The following FAM227B variants were observed in gnomAD, a reference collection of about 807,000 sequenced individuals.
FAM227B encodes the protein family with sequence similarity 227 member B, also known as protein FAM227B.
A neutral mutation model predicts 73.8 loss-of-function variants in FAM227B; 88 were observed. That is an observed-to-expected ratio of 1.19 (90% CI 1.00 to 1.42). The LOEUF is 1.42. FAM227B is among the 40% of genes most tolerant of loss of function. FAM227B has a pLI of 0.00. For synonymous variants in FAM227B, 210 were observed against 190.5 expected (o/e 1.10, Z -0.84); for missense variants, 632 against 590.9 (o/e 1.07, Z -0.72).
chr15:49,533,626 AC>A (rs1398949016), intron 10 of FAM227B, among the ~76,000 whole-genome samples: 2 of 150,866 alleles, frequency 1.3e-5, no homozygotes, highest in Non-Finnish European at 3.0e-5. Context: ...TATATGAATA[AC>A]CTCTTTGTCT....
At chr15:49,588,951 T>G (rs567803738) in intron 4 of FAM227B, among the ~76,000 whole-genome samples, 1 of 151,940 alleles carries the variant, frequency 6.6e-6, no homozygotes, top group African/African-American at 2.4e-5. Context: ...ATGAATCTAA[T>G]ACCTAAAAAC....
chr15:49,587,883 A>C, intron 5 of FAM227B, 133 bp downstream of exon 5: 137 of 742,388 alleles, frequency 1.8e-4, no homozygotes, highest in South Asian at 3.0e-4. Flanking sequence ...TTTAAAACAT[A>C]GAGATAGATT....
chr15:49,561,384 A>G (rs2074244278), intron 9 of FAM227B, among the ~76,000 whole-genome samples: 1 of 152,158 alleles, frequency 6.6e-6, no homozygotes, highest in Non-Finnish European at 1.5e-5. Flanking sequence ...GTACTTATGG[A>G]CCTATGAAAA....
intron 11 of FAM227B, among the ~76,000 whole-genome samples, chr15:49,463,518 T>G (rs1472527495): frequency 7.1e-6 from 1 of 141,816 alleles, no homozygotes; most frequent in Non-Finnish European, 1.5e-5. Context: ...GCCACTGCAC[T>G]CCAGCCTAGG....
intron 11 of FAM227B, among the ~76,000 whole-genome samples, chr15:49,474,117 G>A (rs1358630409): frequency 6.6e-6 from 1 of 152,054 alleles, no homozygotes; most frequent in Non-Finnish European, 1.5e-5. Flanking sequence ...TTAAGGAGAT[G>A]GTGAGATTGT....
intron 11 of FAM227B, among the ~76,000 whole-genome samples, chr15:49,374,814 G>A (rs1283549690): frequency 6.6e-6 from 1 of 152,192 alleles, no homozygotes; most frequent in African/African-American, 2.4e-5. Flanking sequence ...AAAGTGGTAG[G>A]ATTACAGGCG....
Position 49,541,696 on chromosome 15 carries a change from A to T in FAM227B, c.858T>A (p.Ile286=). Residue 286 remains isoleucine, a synonymous_variant, in exon 10 of 16, where the codon ATT becomes ATA. Coordinates refer to ENST00000299338, the MANE Select transcript of FAM227B (RefSeq NM_152647.3). ...DEFKEDLGNN[I]FLWCSGLKPQ... ...TATTCATACCTGAACACCAAAGAAA[A>T]ATGTTATTCCCTAGATCTTCTTTAA... 6.6e-7 allele frequency: 1 copy of T among 1,506,250 alleles called. No individual in the cohort carries two copies. The highest frequency in any genetic ancestry group is 1.4e-5 in the South Asian group (1 of 70,002). 93.3% of individuals were successfully genotyped at this position (1,506,250 alleles called of 1,614,324 possible). A position where few individuals can be genotyped will look rare whatever the true frequency, so the allele number is the denominator to read the frequency against.
At chr15:49,516,903 G>A (rs977017008) in intron 10 of FAM227B, among the ~76,000 whole-genome samples, 1 of 152,262 alleles carries the variant, frequency 6.6e-6, no homozygotes, top group Middle Eastern at 3.4e-3. Flanking sequence ...AGGCAAAGCA[G>A]TCAGTGTCAA....
intron 1 of FAM227B, among the ~76,000 whole-genome samples, chr15:49,617,006 T>C (rs573269587): frequency 3.6e-4 from 55 of 152,282 alleles, no homozygotes; most frequent in African/African-American, 1.3e-3. Context: ...ACATTTGTTT[T>C]TAATTTCATT....
intron 13 of FAM227B, among the ~76,000 whole-genome samples, chr15:49,354,600 C>T (rs2042793617): frequency 6.6e-6 from 1 of 152,184 alleles, no homozygotes; most frequent in Non-Finnish European, 1.5e-5. Flanking sequence ...GGTCCTACGC[C>T]CACGGAGTCT....
chr15:49,543,596 G>A (rs748683737), intron 9 of FAM227B, among the ~76,000 whole-genome samples: 5 of 152,102 alleles, frequency 3.3e-5, no homozygotes, highest in Non-Finnish European at 5.9e-5. Context: ...ATGTCTAGAA[G>A]AGTTTTTTCA....
In FAM227B at chr15:49,328,111, G is replaced by A. The variant is rs1567071417; in HGVS notation, c.*457C>T. 2 of 1,613,918 alleles carry A rather than the reference G, an allele frequency of 1.2e-6. No individual in the cohort carries two copies. The highest frequency in any genetic ancestry group is 1.7e-5 in the Admixed American group (1 of 59,992). On this transcript the variant is annotated 3_prime_UTR_variant, in exon 16 of 16. Coordinates refer to ENST00000299338, the MANE Select transcript of FAM227B (RefSeq NM_152647.3). Reference sequence around the variant, plus strand: ...GCTTAGCACCGGAGAAGCAAAGTTTGTTTGCTACCAAACCTGGAGGTGGGG... The same window carrying A: ...GCTTAGCACCGGAGAAGCAAAGTTTATTTGCTACCAAACCTGGAGGTGGGG...
At chr15:49,328,945 C>T in intron 15 of FAM227B, 1 of 1,121,826 alleles carries the variant, frequency 8.9e-7, no homozygotes, top group Non-Finnish European at 1.1e-6. Flanking sequence ...CTCTTCTATT[C>T]ACATTGAAAT....
Position 49,567,997 on chromosome 15 carries a change from A to C in FAM227B, c.747+248T>G, listed in dbSNP as rs183413694. On this transcript the variant is annotated intron_variant, in intron 9 of 15. Coordinates refer to ENST00000299338, the MANE Select transcript of FAM227B (RefSeq NM_152647.3). ...TACATAGAATGACTCAGTAGTTTTA[A>C]AATTATTAATATGCAAACAAAGTTC... Among the ~76,000 whole-genome samples, 271 of 152,194 alleles carry C rather than the reference A, an allele frequency of 1.8e-3. 2 individuals carry two copies. Among genetic ancestry groups the C allele is most frequent in the African/African-American group, 6.1e-3 (254 of 41,560 alleles).
intron 11 of FAM227B, among the ~76,000 whole-genome samples, chr15:49,502,000 T>C (rs1346537854): frequency 6.6e-6 from 1 of 152,198 alleles, no homozygotes; most frequent in Non-Finnish European, 1.5e-5. Context: ...AGCTTCCTCA[T>C]GGTGTTAAGC....
intron 13 of FAM227B, chr15:49,366,328 GA>G: frequency 2.5e-6 from 2 of 786,826 alleles, no homozygotes; most frequent in South Asian, 2.7e-5. Flanking sequence ...TAGGAAATAG[GA>G]TACTGTTATT....
At chr15:49,406,064 T>C (rs1596971084) in intron 11 of FAM227B, among the ~76,000 whole-genome samples, 1 of 152,140 alleles carries the variant, frequency 6.6e-6, no homozygotes. Context: ...CTGAGGGACT[T>C]GTATTGGGCC....
chr15:49,478,549 G>GC lies in FAM227B; in HGVS notation c.1012+29661_1012+29662insG, dbSNP rs2151998831. 2.0e-5 allele frequency among the ~76,000 whole-genome samples: 3 copies of GC among 152,114 alleles called. 1 individual carries two copies. In the South Asian group the frequency reaches 6.2e-4, roughly 32 times the overall value. ...TCATAAAATGTATTTAAATTTAAAT[G>GC]TTTTTTTCTTTGTTGATACTAGTTC... On this transcript the variant is annotated intron_variant, in intron 11 of 15. Transcript: ENST00000299338.
At chr15:49,575,204 G>T (rs2075373154) in intron 7 of FAM227B, 95 bp from the exon 8 acceptor site, 1 of 648,836 alleles carries the variant, frequency 1.5e-6, no homozygotes, top group African/African-American at 1.9e-5. Flanking sequence ...TGCTTTCATT[G>T]CTTATAGATC....
Sources: allele counts gnomAD v4.1 joint callset (sites outside exome capture counted in the v4.1 genomes callset), GRCh38; gene constraint gnomAD v4.1.1; transcripts MANE v1.5; gene names NCBI Gene and HGNC (gene_info 2026-07-23, HGNC 2026-07-21).